The following XKR4 variants were observed in gnomAD, a reference collection of about 807,000 sequenced individuals.
XKR4 encodes XK related 4.
A neutral mutation model predicts 53.9 loss-of-function variants in XKR4; 12 were observed. The ratio of observed to expected loss-of-function variants is 0.22; its 90% CI spans 0.14 to 0.36. The LOEUF is 0.36. XKR4 is among the 10% of genes least tolerant of loss of function. The probability of loss-of-function intolerance (pLI) is 1.00; values close to 1 mark genes in which losing one functional copy is unlikely to be tolerated. For missense variants in XKR4, 799 were observed against 859.5 expected (o/e 0.93, Z 0.88); for synonymous variants, 354 against 362.4 (o/e 0.98, Z 0.26).
rs563685236 is a variant in XKR4, at chr8:55,528,651, C to A, written c.*4424C>A. The A allele has an allele frequency of 6.6e-6, 1 of 152,274 alleles. No homozygotes were observed. Among genetic ancestry groups the A allele is most frequent in the African/African-American group, 2.4e-5 (1 of 41,548 alleles). The allele number at this position is 152,274 out of a possible 1,614,324, so 9.4% of individuals were successfully genotyped here. A position where few individuals can be genotyped will look rare whatever the true frequency, so the allele number is the denominator to read the frequency against. On this transcript the variant is annotated 3_prime_UTR_variant, in exon 3 of 3. Coordinates refer to ENST00000327381, the MANE Select transcript of XKR4 (RefSeq NM_052898.2). ...GCTCATACTGTCATTCAGATTATAG[C>A]TCAGAGGATGGTTGAAGCGCATGGT...
chr8:55,538,909 G>A lies in XKR4; in HGVS notation c.*14682G>A, dbSNP rs186331934. 31 of 152,264 alleles carry A rather than the reference G, an allele frequency of 2.0e-4. No homozygotes were observed. The highest frequency in any genetic ancestry group is 3.4e-3 in the Middle Eastern group (1 of 292). 9.4% of individuals were successfully genotyped at this position (152,264 alleles called of 1,614,324 possible). ...AGCCTTATTTCCACCTGTAACTCCT[G>A]AATTGATTCATTTTCACGTTATAAC... On this transcript the variant is annotated 3_prime_UTR_variant, in exon 3 of 3. Coordinates refer to ENST00000327381, the MANE Select transcript of XKR4 (RefSeq NM_052898.2).
intron 2 of XKR4, among the ~76,000 whole-genome samples, chr8:55,408,007 A>G (rs920226605): frequency 2.6e-5 from 4 of 152,174 alleles, no homozygotes; most frequent in East Asian, 1.9e-4. Context: ...CTACTTTCAA[A>G]GGTATGCCCA....
chr8:55,243,650 C>T (rs976189302), intron 1 of XKR4, among the ~76,000 whole-genome samples: 1 of 152,224 alleles, frequency 6.6e-6, no homozygotes, highest in Admixed American at 6.5e-5. Flanking sequence ...ACCAAACTAT[C>T]TTCCAAAGTG....
intron 1 of XKR4, among the ~76,000 whole-genome samples, chr8:55,286,481 C>G (rs377435000): frequency 2.0e-5 from 3 of 152,100 alleles, no homozygotes; most frequent in East Asian, 3.9e-4. Flanking sequence ...TGGGAGGGCT[C>G]AATGTCTGGC....
intron 2 of XKR4, among the ~76,000 whole-genome samples, chr8:55,496,388 A>C (rs1044867502): frequency 6.6e-6 from 1 of 152,144 alleles, no homozygotes; most frequent in Non-Finnish European, 1.5e-5. Context: ...TTAAAACAAA[A>C]AAAAAATTAC....
intron 1 of XKR4, among the ~76,000 whole-genome samples, chr8:55,267,851 A>G (rs1818632293): frequency 6.6e-6 from 1 of 152,220 alleles, no homozygotes; most frequent in African/African-American, 2.4e-5. Flanking sequence ...CTTAGACAGT[A>G]GAAGTGCTCT....
intron 1 of XKR4, among the ~76,000 whole-genome samples, chr8:55,176,973 A>G (rs1312297423): frequency 6.6e-6 from 1 of 151,954 alleles, no homozygotes; most frequent in Non-Finnish European, 1.5e-5. Context: ...TTGCCTAGTA[A>G]TTTTCAGATA....
chr8:55,416,811 C>A (rs1054578215), intron 2 of XKR4, among the ~76,000 whole-genome samples: 2 of 152,162 alleles, frequency 1.3e-5, no homozygotes, highest in Non-Finnish European at 2.9e-5. Context: ...GAATTTAAGC[C>A]GTATGCCCAA....
intron 2 of XKR4, among the ~76,000 whole-genome samples, chr8:55,375,331 TGGATAAGG>T (rs1804131426): frequency 1.3e-5 from 2 of 152,196 alleles, no homozygotes; most frequent in Admixed American, 1.3e-4. Flanking sequence ...CTGCCTCCAA[TGGATAAGG>T]GGAAGAGCGC....
At chr8:55,438,184 A>G (rs1805206084) in intron 2 of XKR4, among the ~76,000 whole-genome samples, 1 of 152,170 alleles carries the variant, frequency 6.6e-6, no homozygotes, top group East Asian at 1.9e-4. Flanking sequence ...ATTCAATTCA[A>G]AGGGGAACAC....
chr8:55,103,905 G>A (rs2129350240), intron 1 of XKR4, among the ~76,000 whole-genome samples: 1 of 140,444 alleles, frequency 7.1e-6, no homozygotes, highest in East Asian at 2.1e-4. Flanking sequence ...CCCCGAGCAT[G>A]ATTCAGTAAG....
intron 1 of XKR4, among the ~76,000 whole-genome samples, chr8:55,243,362 C>A (rs1818237974): frequency 6.6e-6 from 1 of 152,168 alleles, no homozygotes; most frequent in African/African-American, 2.4e-5. Flanking sequence ...CCTTGAAAAC[C>A]ACTGATCTCT....
intron 1 of XKR4, among the ~76,000 whole-genome samples, chr8:55,213,081 G>T (rs1454529920): frequency 6.6e-6 from 1 of 152,186 alleles, no homozygotes; most frequent in Non-Finnish European, 1.5e-5. Flanking sequence ...CTACCAGTCT[G>T]TTCCTTTAAC....
At chr8:55,463,467 T>A (rs911009150) in intron 2 of XKR4, among the ~76,000 whole-genome samples, 8 of 150,854 alleles carry the variant, frequency 5.3e-5, no homozygotes, top group Non-Finnish European at 1.0e-4. Context: ...CTGGGACACA[T>A]TCAAAGCAGT....
At chr8:55,365,192 A>T (rs1490304394) in intron 2 of XKR4, among the ~76,000 whole-genome samples, 2 of 152,198 alleles carry the variant, frequency 1.3e-5, no homozygotes, top group Admixed American at 1.3e-4. Context: ...ATGAGGCTGC[A>T]GCCGGCTCCA....
At chr8:55,240,008 A>G (rs531197636) in intron 1 of XKR4, among the ~76,000 whole-genome samples, 4 of 152,252 alleles carry the variant, frequency 2.6e-5, no homozygotes, top group South Asian at 4.1e-4. Context: ...ATCTACCTAT[A>G]TCTGTATCAG....
chr8:55,225,042 A>G (rs1250128631), intron 1 of XKR4, among the ~76,000 whole-genome samples: 1 of 152,202 alleles, frequency 6.6e-6, no homozygotes, highest in East Asian at 1.9e-4. Context: ...GTACATTATA[A>G]ATACTTAGAA....
chr8:55,212,775 G>A (rs1245367617), intron 1 of XKR4, among the ~76,000 whole-genome samples: 1 of 152,222 alleles, frequency 6.6e-6, no homozygotes, highest in Non-Finnish European at 1.5e-5. Context: ...TGCAAAGGAT[G>A]ATGCATTCCT....
chr8:55,105,156 T>A (rs1209388776), intron 1 of XKR4, among the ~76,000 whole-genome samples: 1 of 152,174 alleles, frequency 6.6e-6, no homozygotes, highest in African/African-American at 2.4e-5. Context: ...ACCGAGGAAG[T>A]CCTTTTAATT....
Sources: gnomAD v4.1 joint callset for allele counts (sites outside exome capture counted in the v4.1 genomes callset) on GRCh38, gnomAD v4.1.1 for gene constraint, MANE v1.5 for transcripts, NCBI Gene and HGNC (gene_info 2026-07-23, HGNC 2026-07-21) for gene names.